The following ZNF148 variants were observed in gnomAD, a reference collection of about 807,000 sequenced individuals.
The protein encoded by ZNF148 is Beta-Enolase Repressor Factor-1.
A neutral mutation model predicts 67.7 loss-of-function variants in ZNF148; 7 were observed. That is an observed-to-expected ratio of 0.10 (90% CI 0.06 to 0.19). The LOEUF (loss-of-function observed/expected upper bound fraction) is 0.19, where lower values mean the gene tolerates loss of function less well. Among genes scored for constraint, ZNF148 ranks in the 10% least tolerant of loss-of-function variants. ZNF148 has a pLI of 1.00. For missense variants in ZNF148, 583 were observed against 947.1 expected (o/e 0.62, Z 5.05); for synonymous variants, 333 against 330.7 (o/e 1.01, Z -0.08).
chr3:125,313,554 C>T lies in ZNF148; in HGVS notation c.87G>A (p.Met29Ile), dbSNP rs1216167520. ...CAGTAGACTGGCCAGACACTCCACC[C>T]ATTACAACCATTGTCCTGGAAGACT... ...EMQSSRTMVVMGGVSGQSTVS... is the reference protein window; with the variant it reads ...EMQSSRTMVVIGGVSGQSTVS... The change falls in exon 4 of 9, where the codon ATG becomes ATA. Residue 29 changes from methionine to isoleucine, a missense_variant. Transcript: ENST00000360647. The T allele has an allele frequency of 3.1e-6, 5 of 1,614,080 alleles. No individual in the cohort carries two copies. The highest frequency in any genetic ancestry group is 2.7e-5 in the African/African-American group (2 of 74,928).
chr3:125,307,047 G>A lies in ZNF148; in HGVS notation c.333+6261C>T, dbSNP rs1423629409. On this transcript the variant is annotated intron_variant, in intron 4 of 8. Transcript: ENST00000360647. ...GGCCAATATACCTAAAAACGACATAGCTATTCCAAAAAAAAAAAAAGAAAA... is the reference window on the plus strand; with the variant it reads ...GGCCAATATACCTAAAAACGACATAACTATTCCAAAAAAAAAAAAAGAAAA... Among the ~76,000 whole-genome samples the A allele has an allele frequency of 2.5e-4, 25 of 100,494 alleles. 1 individual carries two copies. Among genetic ancestry groups the A allele is most frequent in the African/African-American group, 9.2e-4 (21 of 22,744 alleles). The allele number at this position is 100,494 out of a possible 152,430, so 65.9% of individuals were successfully genotyped here.
chr3:125,288,643 C>T (rs1938839553), intron 4 of ZNF148, among the ~76,000 whole-genome samples: 1 of 152,090 alleles, frequency 6.6e-6, no homozygotes, highest in Non-Finnish European at 1.5e-5. Flanking sequence ...GGTATTTAGA[C>T]TTCTAGATGG....
At chr3:125,321,355 A>G (rs1254079396) in intron 3 of ZNF148, among the ~76,000 whole-genome samples, 2 of 152,182 alleles carry the variant, frequency 1.3e-5, no homozygotes, top group Admixed American at 1.3e-4. Context: ...CAGAAAACTT[A>G]CACGTTAACA....
rs1935880956 is a variant in ZNF148 at position 125,232,197 on chromosome 3, T to C, written c.*144A>G. The C allele has an allele frequency of 1.0e-6, 1 of 980,926 alleles. No individual in the cohort carries two copies. The highest frequency in any genetic ancestry group is 1.4e-6 in the Non-Finnish European group (1 of 702,250). 60.8% of individuals were successfully genotyped at this position (980,926 alleles called of 1,614,324 possible). On this transcript the variant is annotated 3_prime_UTR_variant, in exon 9 of 9. Coordinates refer to ENST00000360647, the MANE Select transcript of ZNF148 (RefSeq NM_021964.3). This position sits in a 1 kb window ranked among gnomAD's most constrained non-coding sequence, Gnocchi z 4.2. ...GACTAACCAAACGAAATGCAGTTATTGGATTATCTTGCTATTCATATCAGC... is the reference window on the plus strand; with the variant it reads ...GACTAACCAAACGAAATGCAGTTATCGGATTATCTTGCTATTCATATCAGC...
intron 2 of ZNF148, among the ~76,000 whole-genome samples, chr3:125,327,358 A>T (rs1304004063): frequency 1.3e-5 from 2 of 152,208 alleles, no homozygotes; most frequent in Non-Finnish European, 2.9e-5. Flanking sequence ...TAGCAAAGAC[A>T]GAGAAGACCT....
intron 4 of ZNF148, among the ~76,000 whole-genome samples, chr3:125,304,175 C>A (rs1939747611): frequency 6.6e-6 from 1 of 152,074 alleles, no homozygotes; most frequent in African/African-American, 2.4e-5. Flanking sequence ...AGGAAGAGGG[C>A]TTCTACATGG....
chr3:125,282,540 T>C (rs1341675281), intron 5 of ZNF148, among the ~76,000 whole-genome samples: 1 of 152,170 alleles, frequency 6.6e-6, no homozygotes, highest in Admixed American at 6.5e-5. Flanking sequence ...AAATTAGTAA[T>C]ACTCTAATTC....
intron 7 of ZNF148, among the ~76,000 whole-genome samples, chr3:125,269,600 TTAC>T (rs1937628758): frequency 6.6e-6 from 1 of 152,134 alleles, no homozygotes; most frequent in Non-Finnish European, 1.5e-5. Context: ...AGCAATCCCA[TTAC>T]TGGGTACATA....
intron 7 of ZNF148, among the ~76,000 whole-genome samples, chr3:125,249,765 AC>A (rs1460980854): frequency 2.6e-5 from 4 of 152,204 alleles, no homozygotes; most frequent in African/African-American, 9.7e-5. Flanking sequence ...AGATATAGAA[AC>A]AACCCAAGCG....
At chr3:125,358,843 C>A (rs1942449998) in intron 1 of ZNF148, among the ~76,000 whole-genome samples, 1 of 152,198 alleles carries the variant, frequency 6.6e-6, no homozygotes, top group South Asian at 2.1e-4. Flanking sequence ...ATTGGCTCTT[C>A]TCAATTTTAC....
At chr3:125,320,222 T>C (rs1321916473) in intron 3 of ZNF148, among the ~76,000 whole-genome samples, 1 of 152,174 alleles carries the variant, frequency 6.6e-6, no homozygotes, top group African/African-American at 2.4e-5. Flanking sequence ...TACCTTCCCA[T>C]TCCAATTGAA....
At chr3:125,250,580 T>C (rs1936796634) in intron 7 of ZNF148, among the ~76,000 whole-genome samples, 1 of 152,212 alleles carries the variant, frequency 6.6e-6, no homozygotes, top group Non-Finnish European at 1.5e-5. Context: ...AGACCAATAA[T>C]ATGCCAAATG....
intron 2 of ZNF148, among the ~76,000 whole-genome samples, chr3:125,327,361 G>A (rs151288125): frequency 1.3e-5 from 2 of 152,270 alleles, no homozygotes; most frequent in East Asian, 3.9e-4. Context: ...CAAAGACAGA[G>A]AAGACCTGAA....
In ZNF148 at chr3:125,313,669, G is replaced by A; in HGVS notation, c.-16-13C>T. On this transcript the variant is annotated splice_polypyrimidine_tract_variant and intron_variant, in intron 3 of 8. Coordinates refer to ENST00000360647, the MANE Select transcript of ZNF148 (RefSeq NM_021964.3). ...TAAGTATAACTGCCTAGAAAACCAA[G>A]TTTGGCAACAAAACATAGTAAATTA... The A allele has an allele frequency of 1.9e-6, 3 of 1,575,236 alleles. No homozygotes were observed. Among genetic ancestry groups the A allele is most frequent in the Non-Finnish European group, 2.6e-6 (3 of 1,154,464 alleles).
rs1338846144 is a variant in ZNF148 at position 125,229,944 on chromosome 3, CTGAG to C, written c.*2393_*2396del. 1 of 152,524 alleles carries C rather than the reference CTGAG, an allele frequency of 6.6e-6. No individual in the cohort carries two copies. The highest frequency in any genetic ancestry group is 1.5e-5 in the Non-Finnish European group (1 of 68,010). The allele number at this position is 152,524 out of a possible 1,614,324, so 9.4% of individuals were successfully genotyped here. A position where few individuals can be genotyped will look rare whatever the true frequency, so the allele number is the denominator to read the frequency against. On this transcript the variant is annotated 3_prime_UTR_variant, in exon 9 of 9. Coordinates refer to ENST00000360647, the MANE Select transcript of ZNF148 (RefSeq NM_021964.3). ...ATGGTAAGTCAATAAGTTATGCTGG[CTGAG>C]TATCACTTATCTAAAAACTGCTTAT...
intron 7 of ZNF148, among the ~76,000 whole-genome samples, chr3:125,264,233 C>A (rs576043858): frequency 6.6e-6 from 1 of 152,340 alleles, no homozygotes; most frequent in South Asian, 2.1e-4. Context: ...ACTCCCTCCC[C>A]CCATGATTTA....
intron 7 of ZNF148, among the ~76,000 whole-genome samples, chr3:125,263,105 T>C (rs1354291118): frequency 6.6e-6 from 1 of 152,238 alleles, no homozygotes; most frequent in Non-Finnish European, 1.5e-5. Flanking sequence ...GACATTTAAG[T>C]TGCATACCAT....
chr3:125,357,006 A>C (rs1942364979), intron 1 of ZNF148: 1 of 152,256 alleles, frequency 6.6e-6, no homozygotes, highest in African/African-American at 2.4e-5. Flanking sequence ...TGTAAACACA[A>C]TGCAGTTCAA....
At chr3:125,318,549 T>C (rs1174297365) in intron 3 of ZNF148, among the ~76,000 whole-genome samples, 1 of 152,106 alleles carries the variant, frequency 6.6e-6, no homozygotes, top group South Asian at 2.1e-4. Context: ...GGAACCTCTA[T>C]CCAACTGGAA....
Sources: gnomAD v4.1 joint callset for allele counts (sites outside exome capture counted in the v4.1 genomes callset) on GRCh38, gnomAD v4.1.1 for gene constraint, Gnocchi (gnomAD v3.1) non-coding constraint, MANE v1.5 for transcripts, NCBI Gene and HGNC (gene_info 2026-07-23, HGNC 2026-07-21) for gene names.